SULF2: variants seen among roughly 807,000 people sequenced by gnomAD.
SULF2 encodes extracellular sulfatase Sulf-2.
A neutral mutation model predicts 107.7 loss-of-function variants in SULF2; 52 were observed. The ratio of observed to expected loss-of-function variants is 0.48; its 90% CI spans 0.39 to 0.61. The LOEUF is 0.61. SULF2 is among the 20% of genes least tolerant of loss of function. The pLI, the probability that SULF2 is intolerant of heterozygous loss-of-function variation, is 0.00. For missense variants in SULF2, 993 were observed against 1,177.3 expected (o/e 0.84, Z 2.29); for synonymous variants, 460 against 464.3 (o/e 0.99, Z 0.12).
chr20:47,757,491 T>C, intron 1 of SULF2, 28 bp from the exon 2 acceptor site: 1 of 1,130,704 alleles, frequency 8.8e-7, no homozygotes, highest in Non-Finnish European at 1.2e-6. Flanking sequence ...ATCAGGTCAA[T>C]ATTTATGTCA....
At chr20:47,679,594 C>T (rs976156710) in intron 7 of SULF2, among the ~76,000 whole-genome samples, 2 of 152,216 alleles carry the variant, frequency 1.3e-5, no homozygotes, top group African/African-American at 4.8e-5. Flanking sequence ...AGGCAGACTG[C>T]ATGGGTTCAA....
In SULF2 at chr20:47,727,971, C is replaced by T. The variant is rs554828333; in HGVS notation, c.415+8732G>A. On this transcript the variant is annotated intron_variant, in intron 3 of 20. Transcript: ENST00000688720. The stretch of plus-strand genomic sequence containing the variant: ...ACGGAGGCGGCAAATCCGTGCCTCT[C>T]GAGGACACGCTGGGTCAGCCTGGGT... Among the ~76,000 whole-genome samples, 15 of 152,320 alleles carry T rather than the reference C, an allele frequency of 9.8e-5. No individual in the cohort carries two copies. The East Asian group carries it at 2.3e-3, about 24-fold the overall frequency.
chr20:47,657,586 A>C lies in SULF2; in HGVS notation c.*776T>G, dbSNP rs2086936437. The C allele has an allele frequency of 6.6e-6, 1 of 152,188 alleles. No individual in the cohort carries two copies. Among genetic ancestry groups the C allele is most frequent in the Non-Finnish European group, 1.5e-5 (1 of 68,024 alleles). The allele number at this position is 152,188 out of a possible 1,614,324, so 9.4% of individuals were successfully genotyped here. A position where few individuals can be genotyped will look rare whatever the true frequency, so the allele number is the denominator to read the frequency against. On this transcript the variant is annotated 3_prime_UTR_variant, in exon 21 of 21. Coordinates refer to ENST00000688720, the MANE Select transcript of SULF2 (RefSeq NM_001387048.1). ...TTCTTTTCAGTACCTTAAAAAAAAAACATCAGTTCTGGGACATAACAAAGA... is the reference window on the plus strand; with the variant it reads ...TTCTTTTCAGTACCTTAAAAAAAAACCATCAGTTCTGGGACATAACAAAGA...
At chr20:47,722,209 T>C (rs186261407) in intron 3 of SULF2, among the ~76,000 whole-genome samples, 2 of 152,328 alleles carry the variant, frequency 1.3e-5, no homozygotes, top group East Asian at 3.9e-4. Context: ...AAATTCCATT[T>C]TGTTTTTATT....
chr20:47,659,787 C>G (rs1188374616), intron 18 of SULF2, 57 bp from the exon 19 acceptor site: 1 of 1,337,162 alleles, frequency 7.5e-7, no homozygotes, highest in Admixed American at 1.8e-5. Flanking sequence ...GCAAAACAAC[C>G]CCAACACACC....
chr20:47,771,103 C>T (rs922946013), intron 1 of SULF2, among the ~76,000 whole-genome samples: 4 of 152,146 alleles, frequency 2.6e-5, no homozygotes, highest in South Asian at 2.1e-4. Flanking sequence ...GGGGCAGCCA[C>T]GTGGGCCTCC....
chr20:47,688,606 G>A (rs75650600), intron 5 of SULF2, among the ~76,000 whole-genome samples: 3,567 of 152,304 alleles, frequency 0.023, 55 homozygotes, highest in Non-Finnish European at 0.035. Flanking sequence ...CTAAGTGGCG[G>A]TAGGGCGGGG....
chr20:47,747,308 C>T (rs1237360950), intron 2 of SULF2, among the ~76,000 whole-genome samples: 3 of 152,268 alleles, frequency 2.0e-5, no homozygotes, highest in Non-Finnish European at 4.4e-5. Context: ...AGGCAGATGT[C>T]GAGGAGGCAG....
At chr20:47,760,214 T>A (rs1488452242) in intron 1 of SULF2, among the ~76,000 whole-genome samples, 2 of 152,024 alleles carry the variant, frequency 1.3e-5, no homozygotes, top group African/African-American at 4.8e-5. Context: ...CTGCTCCATT[T>A]CTCCCCCAGC....
chr20:47,702,724 A>T, intron 3 of SULF2, 54 bp from the exon 4 acceptor site: 2 of 1,587,494 alleles, frequency 1.3e-6, no homozygotes, highest in Non-Finnish European at 1.7e-6. Context: ...GACGATGTTT[A>T]TTAAACTATT....
intron 3 of SULF2, among the ~76,000 whole-genome samples, chr20:47,724,762 T>C (rs1212919627): frequency 3.9e-5 from 6 of 152,186 alleles, no homozygotes; most frequent in Non-Finnish European, 7.4e-5. Flanking sequence ...GAACAAGGCC[T>C]GTCACTCAAT....
At chr20:47,778,903 A>T (rs1453611053) in intron 1 of SULF2, among the ~76,000 whole-genome samples, 1 of 152,214 alleles carries the variant, frequency 6.6e-6, no homozygotes, top group Non-Finnish European at 1.5e-5. Context: ...GTCCAGTCCC[A>T]CAGCTTAAAA....
intron 3 of SULF2, among the ~76,000 whole-genome samples, chr20:47,734,362 T>G (rs2089681451): frequency 6.6e-6 from 1 of 152,252 alleles, no homozygotes; most frequent in Admixed American, 6.5e-5. Context: ...CTTGGGGGAT[T>G]AAAAATTTAC....
chr20:47,723,431 C>T (rs964061867), intron 3 of SULF2, among the ~76,000 whole-genome samples: 6 of 152,096 alleles, frequency 3.9e-5, no homozygotes, highest in African/African-American at 9.7e-5. Context: ...GTGTGAACAA[C>T]GCTCTAGACC....
At chr20:47,702,978 C>T (rs1040743109) in intron 3 of SULF2, among the ~76,000 whole-genome samples, 8 of 152,254 alleles carry the variant, frequency 5.3e-5, no homozygotes, top group Admixed American at 3.3e-4. Flanking sequence ...TGCAATGGTA[C>T]GATCTTGGCT....
chr20:47,774,541 G>A (rs962902702), intron 1 of SULF2, among the ~76,000 whole-genome samples: 4 of 152,196 alleles, frequency 2.6e-5, no homozygotes, highest in Admixed American at 2.6e-4. Context: ...GAAGCTTCCA[G>A]ACCCCCAGCA....
chr20:47,767,957 C>T (rs2090557877), intron 1 of SULF2, among the ~76,000 whole-genome samples: 1 of 152,042 alleles, frequency 6.6e-6, no homozygotes, highest in African/African-American at 2.4e-5. Context: ...CACCCTTGGT[C>T]CACAAAGTTC....
At chr20:47,671,138 G>T (rs2087456250) in intron 11 of SULF2, among the ~76,000 whole-genome samples, 1 of 152,142 alleles carries the variant, frequency 6.6e-6, no homozygotes, top group South Asian at 2.1e-4. Context: ...GAGCCTTCTG[G>T]CTGGGTCTAG....
intron 3 of SULF2, among the ~76,000 whole-genome samples, chr20:47,704,016 G>A (rs1350022366): frequency 6.6e-6 from 1 of 152,142 alleles, no homozygotes; most frequent in African/African-American, 2.4e-5. Flanking sequence ...CTGGGGGAGG[G>A]TGGCTGGGAG....
Sources: allele counts gnomAD v4.1 joint callset (sites outside exome capture counted in the v4.1 genomes callset), GRCh38; gene constraint gnomAD v4.1.1; transcripts MANE v1.5; gene names NCBI Gene and HGNC (gene_info 2026-07-23, HGNC 2026-07-21).